The following ROBO2 variants were observed in gnomAD, a reference collection of about 807,000 sequenced individuals.
ROBO2 encodes the protein roundabout guidance receptor 2.
In ROBO2, 53 loss-of-function variants were observed where a neutral mutation model predicts 160.8. The ratio of observed to expected loss-of-function variants is 0.33; its 90% CI spans 0.26 to 0.41. The LOEUF (loss-of-function observed/expected upper bound fraction) is 0.41, where lower values mean the gene tolerates loss of function less well. ROBO2 is among the 10% of genes least tolerant of loss of function. The pLI is 1.00. For synonymous variants in ROBO2, 664 were observed against 611.7 expected, an observed-to-expected ratio of 1.09 and a Z score of -1.26; for missense variants, 1,577 against 1,722.4, an observed-to-expected ratio of 0.92 and a Z score of 1.49.
intron 2 of ROBO2, among the ~76,000 whole-genome samples, chr3:76,979,941 G>C (rs1367320001): frequency 6.7e-6 from 1 of 149,916 alleles, no homozygotes; most frequent in Non-Finnish European, 1.5e-5. Flanking sequence ...ACCTGATATA[G>C]AGACTTGGTT....
At chr3:77,476,157 A>T (rs1014132393) in intron 2 of ROBO2, among the ~76,000 whole-genome samples, 23 of 152,202 alleles carry the variant, frequency 1.5e-4, no homozygotes, top group African/African-American at 5.5e-4. Context: ...TCTTTTAAGG[A>T]CAGGGTTTTT....
At chr3:76,248,739 G>T (rs1178024507) in intron 2 of ROBO2, among the ~76,000 whole-genome samples, 7 of 151,234 alleles carry the variant, frequency 4.6e-5, no homozygotes, top group Non-Finnish European at 7.4e-5. Context: ...TTTTGTTTTG[G>T]ATTAGTTGTC....
intron 6 of ROBO2, among the ~76,000 whole-genome samples, chr3:77,546,091 T>C (rs1461225848): frequency 6.6e-6 from 1 of 152,158 alleles, no homozygotes; most frequent in Non-Finnish European, 1.5e-5. Flanking sequence ...TATGCAAGTA[T>C]ATGTAGGCCA....
At chr3:76,306,122 G>C (rs1319879117) in intron 2 of ROBO2, among the ~76,000 whole-genome samples, 1 of 152,168 alleles carries the variant, frequency 6.6e-6, no homozygotes, top group Non-Finnish European at 1.5e-5. Flanking sequence ...TTGAGAGCCT[G>C]CTAGGTACCT....
intron 2 of ROBO2, among the ~76,000 whole-genome samples, chr3:76,560,052 C>T (rs2084062819): frequency 6.6e-6 from 1 of 152,082 alleles, no homozygotes; most frequent in African/African-American, 2.4e-5. Context: ...ATAAGAGCTA[C>T]ATAACCCTTT....
rs374085653 is a variant in ROBO2, at chr3:76,291,472, A to G, written c.109+353870A>G. 3.6e-3 allele frequency among the ~76,000 whole-genome samples: 551 copies of G among 151,940 alleles called. 9 individuals carry two copies. Among genetic ancestry groups the G allele is most frequent in the South Asian group, 0.031 (150 of 4,808 alleles). On this transcript the variant is annotated intron_variant, in intron 2 of 26. Transcript: ENST00000487694. ...TCAATCATATGTATTCTTTCAAGGA[A>G]CCAACCTGTTGCTTTATTGATATTT...
Position 77,172,271 on chromosome 3 carries a change from T to C in ROBO2, c.388+73931T>C, listed in dbSNP as rs531908732. Among the ~76,000 whole-genome samples the C allele has an allele frequency of 2.6e-5, 4 of 152,318 alleles. No homozygotes were observed. In the South Asian group the frequency reaches 8.3e-4, roughly 32 times the overall value. ...AAATGCCTAATGAGGATTACTTTTT[T>C]CATAATTGGTCACTGTAGAGATGAA... is the stretch of plus-strand genomic sequence containing the variant. On this transcript the variant is annotated intron_variant, in intron 2 of 25. Transcript: ENST00000461745.
intron 2 of ROBO2, among the ~76,000 whole-genome samples, chr3:77,002,260 TG>T (rs1432082258): frequency 1.3e-5 from 2 of 152,010 alleles, no homozygotes; most frequent in Non-Finnish European, 2.9e-5. Flanking sequence ...AATTTATTAA[TG>T]TTATTAGTGT....
At chr3:76,319,073 T>C (rs1334752324) in intron 2 of ROBO2, among the ~76,000 whole-genome samples, 1 of 152,134 alleles carries the variant, frequency 6.6e-6, no homozygotes, top group South Asian at 2.1e-4. Context: ...CGAAAGGCCA[T>C]TACATTTTCA....
At chr3:76,610,076 A>T (rs941908721) in intron 2 of ROBO2, among the ~76,000 whole-genome samples, 4 of 152,276 alleles carry the variant, frequency 2.6e-5, no homozygotes, top group Admixed American at 6.5e-5. Context: ...TGATGAAAAA[A>T]TTTTTTAACG....
At chr3:77,517,766 G>T (rs12152526) in intron 5 of ROBO2, among the ~76,000 whole-genome samples, 119,452 of 150,698 alleles carry the variant, frequency 0.79, 48,054 homozygotes, top group African/African-American at 0.93. Flanking sequence ...GCTTTCACTG[G>T]CCAGCTTCAT....
intron 2 of ROBO2, among the ~76,000 whole-genome samples, chr3:77,170,091 C>A (rs1011816828): frequency 6.6e-6 from 1 of 152,274 alleles, no homozygotes; most frequent in East Asian, 1.9e-4. Flanking sequence ...AGAGCTGACA[C>A]CTGTCACCTT....
intron 2 of ROBO2, among the ~76,000 whole-genome samples, chr3:76,365,999 C>G (rs1227912994): frequency 2.6e-5 from 4 of 152,030 alleles, no homozygotes; most frequent in African/African-American, 9.7e-5. Flanking sequence ...TCACCTTCCT[C>G]TCCCTTGGTT....
intron 2 of ROBO2, among the ~76,000 whole-genome samples, chr3:77,356,414 A>T: frequency 6.6e-6 from 1 of 152,148 alleles, no homozygotes; most frequent in East Asian, 1.9e-4. Flanking sequence ...GACTAAATTC[A>T]GAGAAAAACA....
At chr3:77,615,062 G>A (rs568860204) in intron 21 of ROBO2, among the ~76,000 whole-genome samples, 1 of 152,140 alleles carries the variant, frequency 6.6e-6, no homozygotes, top group South Asian at 2.1e-4. Context: ...CTACTTTTAT[G>A]GCATCTTGCA....
intron 2 of ROBO2, among the ~76,000 whole-genome samples, chr3:76,173,214 G>A (rs941758702): frequency 6.6e-6 from 1 of 151,744 alleles, no homozygotes; most frequent in Non-Finnish European, 1.5e-5. Context: ...TAATATATAT[G>A]TGTGTGAGTA....
intron 2 of ROBO2, among the ~76,000 whole-genome samples, chr3:76,094,117 C>T (rs527830203): frequency 1.5e-3 from 225 of 152,006 alleles, no homozygotes; most frequent in African/African-American, 5.2e-3. Context: ...ATAACAATCT[C>T]GAGTGCACAC....
chr3:76,653,652 T>A (rs961881487), intron 2 of ROBO2, among the ~76,000 whole-genome samples: 1 of 152,104 alleles, frequency 6.6e-6, no homozygotes, highest in Non-Finnish European at 1.5e-5. Flanking sequence ...AATCGAGGCG[T>A]TCACACAGAT....
intron 2 of ROBO2, among the ~76,000 whole-genome samples, chr3:77,235,132 T>C (rs1298210190): frequency 3.3e-5 from 5 of 152,204 alleles, no homozygotes; most frequent in Non-Finnish European, 1.5e-5. Flanking sequence ...TTTTATTATA[T>C]TTTGGTCAAT....
Sources: allele counts gnomAD v4.1 joint callset (sites outside exome capture counted in the v4.1 genomes callset), GRCh38; gene constraint gnomAD v4.1.1; transcripts MANE v1.5; gene names NCBI Gene and HGNC (gene_info 2026-07-23, HGNC 2026-07-21).